FRMPD2: variants seen among roughly 807,000 people sequenced by gnomAD.
FRMPD2 encodes the protein FERM and PDZ domain-containing protein 2.
FRMPD2 carries 96 observed loss-of-function variants against 140.1 expected under a neutral mutation model. That is an observed-to-expected ratio of 0.69 (90% CI 0.58 to 0.81). FRMPD2 has a LOEUF of 0.81. Ranked by LOEUF, FRMPD2 falls within the 40% of genes least tolerant of loss-of-function variation. The probability of loss-of-function intolerance (pLI) is 0.00; values close to 1 mark genes in which losing one functional copy is unlikely to be tolerated. For missense variants in FRMPD2, 1,240 were observed against 1,447.4 expected, an observed-to-expected ratio of 0.86 and a Z score of 2.32; for synonymous variants, 449 against 547.6, an observed-to-expected ratio of 0.82 and a Z score of 2.52.
intron 15 of FRMPD2, among the ~76,000 whole-genome samples, chr10:48,198,921 A>G (rs1379671648): frequency 6.6e-6 from 1 of 152,202 alleles, no homozygotes; most frequent in African/African-American, 2.4e-5. Context: ...TGATGTTTGT[A>G]CATTGATTTT....
In FRMPD2 at chr10:48,238,004, T is replaced by C; in HGVS notation, c.908A>G (p.Gln303Arg). 6.2e-7 allele frequency: 1 copy of C among 1,614,198 alleles called. No individual in the cohort carries two copies. The highest frequency in any genetic ancestry group is 1.3e-5 in the African/African-American group (1 of 75,064). The part of the protein sequence containing the change: ...PTTPSQRGFL[Q>R]RRSKFSRPEF... ...TATTTTGCTTACCTTGCTCCTTCTTTGCAGAAAACCCCTCTGAGAAGGAGT... is the reference window on the plus strand; with the variant it reads ...TATTTTGCTTACCTTGCTCCTTCTTCGCAGAAAACCCCTCTGAGAAGGAGT... Residue 303 changes from glutamine to arginine, a missense_variant, in exon 8 of 29, where the codon CAA becomes CGA. Coordinates refer to ENST00000374201, the MANE Select transcript of FRMPD2 (RefSeq NM_001018071.4).
In FRMPD2 at chr10:48,187,168, A is replaced by T. The variant is rs1201744379; in HGVS notation, c.2266+24T>A. ...CTGCGTAGGGGTTCCTCCACCCAAG[A>T]CCTGGTCGTGGCCTGGCCCATACCT... On this transcript the variant is annotated intron_variant, in intron 17 of 28. Transcript: ENST00000374201. 4.4e-6 allele frequency: 7 copies of T among 1,573,740 alleles called. No individual in the cohort carries two copies. In the East Asian group the frequency reaches 1.6e-4, roughly 36 times the overall value.
At chr10:48,200,189 T>TA (rs1282575889) in intron 15 of FRMPD2, among the ~76,000 whole-genome samples, 51 of 137,592 alleles carry the variant, frequency 3.7e-4, no homozygotes, top group Non-Finnish European at 6.7e-4. Flanking sequence ...AATAAATAAA[T>TA]AAATAAATAA....
intron 1 of FRMPD2, among the ~76,000 whole-genome samples, chr10:48,256,484 T>C (rs1438076560): frequency 3.3e-5 from 5 of 152,096 alleles, no homozygotes; most frequent in Admixed American, 2.6e-4. Flanking sequence ...TCTTCATTCA[T>C]CTCCCCTCCC....
chr10:48,232,053 A>T, intron 10 of FRMPD2, 62 bp downstream of exon 10: 1 of 1,489,160 alleles, frequency 6.7e-7, no homozygotes, highest in Non-Finnish European at 9.4e-7. Context: ...GAGCTCAGGT[A>T]CCCAGATACC....
At chr10:48,237,876 G>GC in intron 8 of FRMPD2, 115 bp downstream of exon 8, 1 of 1,261,392 alleles carries the variant, frequency 7.9e-7, no homozygotes, top group South Asian at 1.2e-5. Flanking sequence ...ATAAACCTCA[G>GC]CCCAGGGAAG....
At chr10:48,239,976 G>T (rs1158791409) in intron 6 of FRMPD2, among the ~76,000 whole-genome samples, 1 of 152,080 alleles carries the variant, frequency 6.6e-6, no homozygotes, top group Non-Finnish European at 1.5e-5. Context: ...CTCAGATTTA[G>T]TTGAAAAGTA....
chr10:48,259,626 G>A (rs1182040789), intron 1 of FRMPD2, among the ~76,000 whole-genome samples: 1 of 138,368 alleles, frequency 7.2e-6, no homozygotes, highest in African/African-American at 3.4e-5. Context: ...ACATGAATGT[G>A]TGTGTGTAAG....
At chr10:48,232,320 C>T (rs1254057338) in intron 9 of FRMPD2, 31 bp from the exon 10 acceptor site, 2 of 1,527,730 alleles carry the variant, frequency 1.3e-6, no homozygotes, top group Non-Finnish European at 8.9e-7. Context: ...AATTATACTA[C>T]AATTATAAGT....
In FRMPD2 at chr10:48,223,272, T is replaced by C; in HGVS notation, c.1169-2A>G. 1 of 1,611,134 alleles carries C rather than the reference T, an allele frequency of 6.2e-7. No homozygotes were observed. Among genetic ancestry groups the C allele is most frequent in the South Asian group, 1.1e-5 (1 of 90,784 alleles). ...TGTCCAGGAAAAAGAACTCTTTGCC[T>C]GAAATGGAAATAGAGCATGTGTGGA... On this transcript the variant is annotated splice_acceptor_variant, in intron 10 of 28. Transcript: ENST00000374201. LOFTEE classifies it high-confidence loss of function.
chr10:48,258,011 A>C (rs906326643), intron 1 of FRMPD2, among the ~76,000 whole-genome samples: 1 of 152,228 alleles, frequency 6.6e-6, no homozygotes, highest in Non-Finnish European at 1.5e-5. Flanking sequence ...AAAATGCCTC[A>C]AATATCTCCA....
At chr10:48,261,067 T>G (rs1189484683) in intron 1 of FRMPD2, among the ~76,000 whole-genome samples, 4 of 152,082 alleles carry the variant, frequency 2.6e-5, no homozygotes, top group African/African-American at 9.7e-5. Context: ...TCAAGGAGCT[T>G]AAAGATGTGT....
chr10:48,159,386 G>A, intron 28 of FRMPD2: 2 of 411,728 alleles, frequency 4.9e-6, no homozygotes, highest in Non-Finnish European at 9.7e-6. Context: ...ATAGCCCTGG[G>A]AGCCTGTAAG....
chr10:48,165,571 TC>T (rs1306762644), intron 27 of FRMPD2, among the ~76,000 whole-genome samples: 1 of 114,516 alleles, frequency 8.7e-6, no homozygotes, highest in African/African-American at 3.4e-5. Context: ...TTTTGTCCTT[TC>T]ACTCTCTCTC....
chr10:48,230,236 A>G (rs1335387164), intron 10 of FRMPD2, among the ~76,000 whole-genome samples: 2 of 152,214 alleles, frequency 1.3e-5, no homozygotes, highest in East Asian at 3.8e-4. Context: ...ATCCAACCAG[A>G]ATTCTAAAAC....
At chr10:48,196,502 G>A (rs1838954100) in intron 15 of FRMPD2, among the ~76,000 whole-genome samples, 1 of 152,202 alleles carries the variant, frequency 6.6e-6, no homozygotes, top group South Asian at 2.1e-4. Context: ...TGTTTTTGGT[G>A]ACAAGTGGGG....
chr10:48,250,205 G>A (rs563582316), intron 2 of FRMPD2, among the ~76,000 whole-genome samples: 5 of 151,834 alleles, frequency 3.3e-5, no homozygotes, highest in South Asian at 2.1e-4. Context: ...CCTGGCCACC[G>A]GTGGCTATTG....
chr10:48,241,950 G>T (rs1394952658), intron 5 of FRMPD2: 3 of 377,234 alleles, frequency 8.0e-6, no homozygotes, highest in Non-Finnish European at 1.4e-5. Context: ...CTGCCCAATA[G>T]AACTGCAATG....
intron 15 of FRMPD2, among the ~76,000 whole-genome samples, chr10:48,197,091 T>C (rs761846166): frequency 3.3e-5 from 5 of 152,246 alleles, no homozygotes; most frequent in African/African-American, 4.8e-5. Context: ...GAAATGTTTA[T>C]ATGTTCATCT....
Sources: allele counts gnomAD v4.1 joint callset (sites outside exome capture counted in the v4.1 genomes callset), GRCh38; gene constraint gnomAD v4.1.1; transcripts MANE v1.5; gene names NCBI Gene and HGNC (gene_info 2026-07-23, HGNC 2026-07-21).